IL1RAPL2: variants seen among roughly 807,000 people sequenced by gnomAD.
IL1RAPL2 encodes X-linked interleukin-1 receptor accessory protein-like 2.
In IL1RAPL2, 3 loss-of-function variants were observed where a neutral mutation model predicts 44.1. The ratio of observed to expected loss-of-function variants is 0.07; its 90% CI spans 0.03 to 0.18. The LOEUF is 0.18. Ranked by LOEUF, IL1RAPL2 falls within the 10% of genes least tolerant of loss-of-function variation. The pLI is 1.00. For missense variants in IL1RAPL2, 391 were observed against 496.4 expected, an observed-to-expected ratio of 0.79 and a Z score of 2.02; for synonymous variants, 181 against 178.8, an observed-to-expected ratio of 1.01 and a Z score of -0.10.
At chrX:105,318,024 G>C (rs1029648862) in intron 5 of IL1RAPL2, among the ~76,000 whole-genome samples, 4 of 106,711 alleles carry the variant, frequency 3.7e-5, no homozygotes, top group African/African-American at 1.0e-4. Flanking sequence ...CCAGGCTGGA[G>C]TGCAGTGGCG....
chrX:105,757,267 T>C (rs113185695), intron 10 of IL1RAPL2, among the ~76,000 whole-genome samples: 12,835 of 111,526 alleles, frequency 0.12, 1,817 homozygotes, highest in African/African-American at 0.4. Context: ...CTCCATATCA[T>C]TGCCTCTGTG....
chrX:105,229,900 C>T (rs185693305), intron 3 of IL1RAPL2, among the ~76,000 whole-genome samples: 114 of 111,850 alleles, frequency 1.0e-3, no homozygotes, highest in African/African-American at 3.5e-3. Context: ...TGGGTTCAAG[C>T]GATTTTCCTG....
At chrX:105,682,903 A>G (rs1351051195) in intron 6 of IL1RAPL2, among the ~76,000 whole-genome samples, 1 of 112,443 alleles carries the variant, frequency 8.9e-6, no homozygotes, top group African/African-American at 3.2e-5. Context: ...AGGCAAAAAT[A>G]AAAAACGTCA....
intron 2 of IL1RAPL2, among the ~76,000 whole-genome samples, chrX:105,095,036 A>G (rs1035576210): frequency 6.3e-5 from 7 of 111,741 alleles, no homozygotes; most frequent in Non-Finnish European, 1.3e-4. Flanking sequence ...AGCTTTGCTA[A>G]ACTGTTAGCT....
At chrX:104,576,680 A>AAT (rs1928249835) in intron 1 of IL1RAPL2, among the ~76,000 whole-genome samples, 1 of 111,935 alleles carries the variant, frequency 8.9e-6, no homozygotes, top group South Asian at 3.7e-4. Flanking sequence ...ACTGCTTTAT[A>AAT]ATATCATTTC....
intron 5 of IL1RAPL2, among the ~76,000 whole-genome samples, chrX:105,355,477 G>A (rs547881454): frequency 1.8e-5 from 2 of 111,115 alleles, no homozygotes; most frequent in African/African-American, 3.3e-5. Context: ...GTTTGGGTGC[G>A]CCGTAGCAGA....
intron 6 of IL1RAPL2, among the ~76,000 whole-genome samples, chrX:105,665,753 T>TTTTTGTTG (rs2037759802): frequency 4.3e-5 from 3 of 69,314 alleles, no homozygotes; most frequent in Non-Finnish European, 8.3e-5. Context: ...TTTTTTTTTT[T>TTTTTGTTG]TTGTTGTTGT....
At chrX:105,143,577 C>G (rs1326442160) in intron 2 of IL1RAPL2, among the ~76,000 whole-genome samples, 1 of 111,904 alleles carries the variant, frequency 8.9e-6, no homozygotes, top group African/African-American at 3.3e-5. Flanking sequence ...CCATTTGACC[C>G]AGCCATCCCA....
At chrX:105,384,391 G>C (rs1315906822) in intron 5 of IL1RAPL2, among the ~76,000 whole-genome samples, 1 of 111,038 alleles carries the variant, frequency 9.0e-6, no homozygotes, top group Non-Finnish European at 1.9e-5. Flanking sequence ...TCTATTTTTG[G>C]TGCCTTTGTT....
intron 5 of IL1RAPL2, among the ~76,000 whole-genome samples, chrX:105,313,542 C>T (rs2034814280): frequency 9.0e-6 from 1 of 111,376 alleles, no homozygotes; most frequent in Non-Finnish European, 1.9e-5. Flanking sequence ...CATTGAGCTC[C>T]TAAAGAGATG....
In IL1RAPL2 at chrX:105,033,595, C is replaced by T. The variant is rs1302042318; in HGVS notation, c.83-161880C>T. Among the ~76,000 whole-genome samples, 7 of 110,554 alleles carry T rather than the reference C, an allele frequency of 6.3e-5. No individual in the cohort carries two copies. The East Asian group carries it at 1.2e-3, about 18-fold the overall frequency. ...GTAGAGTTTCTGCAGTGCGATCAGC[C>T]GTTAGTCTGATTGGCTTCCCTTTGT... On this transcript the variant is annotated intron_variant, in intron 2 of 10. Transcript: ENST00000372582.
intron 2 of IL1RAPL2, among the ~76,000 whole-genome samples, chrX:104,814,091 C>A (rs1042382668): frequency 9.0e-6 from 1 of 111,071 alleles, no homozygotes; most frequent in Non-Finnish European, 1.9e-5. Context: ...GGGTAAGGAC[C>A]CTGTTCTCAG....
intron 2 of IL1RAPL2, among the ~76,000 whole-genome samples, chrX:104,908,738 T>C (rs1056911217): frequency 1.6e-4 from 18 of 109,368 alleles, no homozygotes; most frequent in Non-Finnish European, 2.3e-4. Flanking sequence ...CCCTTAACAT[T>C]TTTTCCTTCA....
intron 6 of IL1RAPL2, among the ~76,000 whole-genome samples, chrX:105,681,006 A>AGAT (rs748011772): frequency 1.8e-5 from 2 of 112,094 alleles, no homozygotes; most frequent in East Asian, 5.6e-4. Flanking sequence ...TAATGGTAAT[A>AGAT]GATTGCGTGG....
At chrX:105,429,531 T>C (rs1490042831) in intron 5 of IL1RAPL2, among the ~76,000 whole-genome samples, 1 of 112,270 alleles carries the variant, frequency 8.9e-6, no homozygotes, top group Non-Finnish European at 1.9e-5. Flanking sequence ...GGATTGGTGT[T>C]GACCCAAGAA....
At chrX:105,390,411 T>G in intron 5 of IL1RAPL2, among the ~76,000 whole-genome samples, 1 of 111,789 alleles carries the variant, frequency 8.9e-6, no homozygotes, top group Non-Finnish European at 1.9e-5. Flanking sequence ...TGCCCCATCA[T>G]CTAGCACGGT....
At chrX:104,743,020 G>A (rs151174340) in intron 2 of IL1RAPL2, among the ~76,000 whole-genome samples, 1 of 111,553 alleles carries the variant, frequency 9.0e-6, no homozygotes, top group Non-Finnish European at 1.9e-5. Context: ...CTGTTATTCT[G>A]CTTATATGTT....
At chrX:105,171,482 C>T (rs1474863065) in intron 2 of IL1RAPL2, among the ~76,000 whole-genome samples, 1 of 111,006 alleles carries the variant, frequency 9.0e-6, no homozygotes, top group Non-Finnish European at 1.9e-5. Flanking sequence ...CTCAACTCCA[C>T]ATCCCCCTGT....
chrX:104,658,578 A>G (rs1214082131), intron 1 of IL1RAPL2, among the ~76,000 whole-genome samples: 1 of 112,601 alleles, frequency 8.9e-6, no homozygotes, highest in Non-Finnish European at 1.9e-5. Context: ...ACAAACCTGC[A>G]CGTTGTGCAC....
Sources: gnomAD v4.1 joint callset for allele counts (sites outside exome capture counted in the v4.1 genomes callset) on GRCh38, gnomAD v4.1.1 for gene constraint, MANE v1.5 for transcripts, NCBI Gene and HGNC (gene_info 2026-07-23, HGNC 2026-07-21) for gene names.